LNX1: variants seen among roughly 807,000 people sequenced by gnomAD.
LNX1 encodes the protein E3 ubiquitin-protein ligase LNX.
Under a neutral mutation model 68.4 loss-of-function variants are expected in LNX1, and 54 were observed. The observed-to-expected ratio is 0.79, with a 90% CI of 0.63 to 0.99. LNX1 has a LOEUF of 0.99. LNX1 is among the 50% of genes least tolerant of loss of function. LNX1 has a pLI of 0.00. For missense variants in LNX1, 906 were observed against 926.4 expected (o/e 0.98, Z 0.29); for synonymous variants, 336 against 350.0 (o/e 0.96, Z 0.45).
At position 53,463,038 on chromosome 4, in the gene LNX1, AGAT is replaced by A. The variant is rs758662572; in HGVS notation, c.1893-1448_1893-1446del. On this transcript the variant is annotated intron_variant, in intron 9 of 10. Coordinates refer to ENST00000263925, the MANE Select transcript of LNX1 (RefSeq NM_001126328.3). ...AATTTTTTGGAGAAAGGTAAGAATT[AGAT>A]GATTGTTATCTAAGGTCATGATCAA... is the stretch of plus-strand genomic sequence containing the variant. Among the ~76,000 whole-genome samples, 3 of 152,170 alleles carry A rather than the reference AGAT, an allele frequency of 2.0e-5. No homozygotes were observed. The East Asian group carries it at 5.8e-4, about 29-fold the overall frequency.
At chr4:53,520,949 G>A (rs1012586975) in intron 2 of LNX1, among the ~76,000 whole-genome samples, 2 of 152,128 alleles carry the variant, frequency 1.3e-5, no homozygotes, top group African/African-American at 4.8e-5. Flanking sequence ...GCAATGGTTC[G>A]AGATTGTCTC....
chr4:53,518,752 A>C (rs1388476888), intron 2 of LNX1, among the ~76,000 whole-genome samples: 1 of 152,122 alleles, frequency 6.6e-6, no homozygotes, highest in African/African-American at 2.4e-5. Context: ...TGTGCACCTC[A>C]GGACTGTTAA....
chr4:53,476,733 G>A lies in LNX1; in HGVS notation c.1892+20C>T, dbSNP rs745802090. 2.5e-6 allele frequency: 4 copies of A among 1,597,268 alleles called. No individual in the cohort carries two copies. Among genetic ancestry groups the A allele is most frequent in the Non-Finnish European group, 3.4e-6 (4 of 1,164,624 alleles). On this transcript the variant is annotated intron_variant, in intron 9 of 10. Coordinates refer to ENST00000263925, the MANE Select transcript of LNX1 (RefSeq NM_001126328.3). The stretch of plus-strand genomic sequence containing the variant: ...TCGTTTTCTCCCACGCCCCTACAGG[G>A]ATGTTGTGTTTGGACTTACCGTGGT...
chr4:53,623,888 C>A (rs767220192), intron 1 of LNX1, among the ~76,000 whole-genome samples: 1 of 152,186 alleles, frequency 6.6e-6, no homozygotes, highest in Non-Finnish European at 1.5e-5. Flanking sequence ...CCAGGTCTGT[C>A]TGCACCTGAG....
chr4:53,536,328 A>ATAT (rs1728370212), intron 2 of LNX1, among the ~76,000 whole-genome samples: 1 of 47,904 alleles, frequency 2.1e-5, no homozygotes, highest in African/African-American at 5.5e-5. Flanking sequence ...TTCTCACTCC[A>ATAT]CATCTTCAAG....
intron 9 of LNX1, among the ~76,000 whole-genome samples, chr4:53,465,975 ACTTTAATTAAATACT>A (rs1250414903): frequency 6.6e-6 from 1 of 152,172 alleles, no homozygotes; most frequent in East Asian, 1.9e-4. Flanking sequence ...ACTTCCAGTG[ACTTTAATTAAATACT>A]CTTTCAAAAA....
chr4:53,605,311 T>C (rs1469651880), intron 2 of LNX1, among the ~76,000 whole-genome samples: 1 of 152,210 alleles, frequency 6.6e-6, no homozygotes, highest in East Asian at 1.9e-4. Flanking sequence ...TCTTTAAACA[T>C]TGTACAAATT....
At chr4:53,554,728 T>G (rs1247715469) in intron 2 of LNX1, among the ~76,000 whole-genome samples, 1 of 152,078 alleles carries the variant, frequency 6.6e-6, no homozygotes, top group East Asian at 1.9e-4. Flanking sequence ...GGTGGGTGTC[T>G]GTAATCCCAG....
At chr4:53,608,018 G>A (rs2616401) in intron 2 of LNX1, among the ~76,000 whole-genome samples, 63,962 of 151,826 alleles carry the variant, frequency 0.42, 13,426 homozygotes, top group Admixed American at 0.45. Flanking sequence ...AAAACCCTGG[G>A]AGAAAACCTA....
At chr4:53,624,952 C>T (rs891451617) in intron 1 of LNX1, among the ~76,000 whole-genome samples, 7 of 152,140 alleles carry the variant, frequency 4.6e-5, no homozygotes, top group African/African-American at 1.7e-4. Context: ...TAAGGAAATG[C>T]TCAACATTGC....
At chr4:53,526,026 A>G (rs1321666781) in intron 2 of LNX1, among the ~76,000 whole-genome samples, 3 of 152,186 alleles carry the variant, frequency 2.0e-5, no homozygotes, top group Non-Finnish European at 4.4e-5. Context: ...TTGACATTCA[A>G]TTTTTTAAAA....
chr4:53,460,434 A>G lies in LNX1; in HGVS notation c.*473T>C, dbSNP rs1175164529. 1 of 190,558 alleles carries G rather than the reference A, an allele frequency of 5.2e-6. No homozygotes were observed. The highest frequency in any genetic ancestry group is 2.3e-5 in the African/African-American group (1 of 42,950). 11.8% of individuals were successfully genotyped at this position (190,558 alleles called of 1,614,324 possible). A position where few individuals can be genotyped will look rare whatever the true frequency, so the allele number is the denominator to read the frequency against. On this transcript the variant is annotated 3_prime_UTR_variant, in exon 11 of 11. Coordinates refer to ENST00000263925, the MANE Select transcript of LNX1 (RefSeq NM_001126328.3). ...TAATACAAAAGTAATCTTAATTAGT[A>G]TCACATACTAAAAGACAACTATAAC...
At chr4:53,568,152 C>A (rs1730840740) in intron 2 of LNX1, among the ~76,000 whole-genome samples, 1 of 151,944 alleles carries the variant, frequency 6.6e-6, no homozygotes, top group Non-Finnish European at 1.5e-5. Context: ...TTTATGAGGC[C>A]AGCTTCATTC....
chr4:53,495,548 C>CTTGTTTTTTTTTTTTTTTTTTTTTTTTT (rs1724988665), intron 6 of LNX1, among the ~76,000 whole-genome samples: 1 of 119,414 alleles, frequency 8.4e-6, no homozygotes, highest in Non-Finnish European at 1.8e-5. Flanking sequence ...CATGGCATAG[C>CTTGTTTTTTTTTTTTTTTTTTTTTTTTT]TTTTTTTTTT....
chr4:53,531,424 C>T (rs1728015946), intron 2 of LNX1, among the ~76,000 whole-genome samples: 1 of 152,166 alleles, frequency 6.6e-6, no homozygotes, highest in African/African-American at 2.4e-5. Context: ...ATCTCTAAGA[C>T]CCCTAATAAT....
chr4:53,531,178 G>A (rs1450703073), intron 2 of LNX1, among the ~76,000 whole-genome samples: 2 of 152,120 alleles, frequency 1.3e-5, no homozygotes, highest in East Asian at 3.9e-4. Context: ...GTTAAACTCA[G>A]CTGAGAGGTT....
chr4:53,571,008 C>T (rs1731124495), intron 2 of LNX1, among the ~76,000 whole-genome samples: 1 of 148,562 alleles, frequency 6.7e-6, no homozygotes, highest in Non-Finnish European at 1.5e-5. Flanking sequence ...ACCTGGGCGA[C>T]AGAGCCAGAC....
At chr4:53,497,939 T>C (rs1579413756) in intron 5 of LNX1, among the ~76,000 whole-genome samples, 1 of 152,166 alleles carries the variant, frequency 6.6e-6, no homozygotes, top group Non-Finnish European at 1.5e-5. Context: ...ATAGAAAATA[T>C]ACGAGCAGGG....
intron 2 of LNX1, among the ~76,000 whole-genome samples, chr4:53,525,517 C>T (rs1004628794): frequency 1.3e-5 from 2 of 152,186 alleles, no homozygotes; most frequent in African/African-American, 4.8e-5. Flanking sequence ...GGTTTCCTGC[C>T]TGGAATTCCA....
Sources: gnomAD v4.1 joint callset for allele counts (sites outside exome capture counted in the v4.1 genomes callset) on GRCh38, gnomAD v4.1.1 for gene constraint, MANE v1.5 for transcripts, NCBI Gene and HGNC (gene_info 2026-07-23, HGNC 2026-07-21) for gene names.